LEMD1: variants seen among roughly 807,000 people sequenced by gnomAD.
LEMD1 encodes the protein LEM domain-containing protein 1.
LEMD1 carries 18 observed loss-of-function variants against 17.4 expected under a neutral mutation model. That is an observed-to-expected ratio of 1.04 (90% CI 0.72 to 1.54). The LOEUF (loss-of-function observed/expected upper bound fraction) is 1.54, where lower values mean the gene tolerates loss of function less well. Ranked by LOEUF, LEMD1 falls within the 40% of genes most tolerant of loss-of-function variation. The pLI, the probability that LEMD1 is intolerant of heterozygous loss-of-function variation, is 0.00. For synonymous variants in LEMD1, 88 were observed against 77.8 expected (o/e 1.13, Z -0.69); for missense variants, 195 against 210.4 (o/e 0.93, Z 0.45).
intron 4 of LEMD1, among the ~76,000 whole-genome samples, chr1:205,411,485 G>A (rs1665427044): frequency 6.6e-6 from 1 of 151,182 alleles, no homozygotes; most frequent in Admixed American, 6.6e-5. Flanking sequence ...GAACCCGGGA[G>A]GCGGAGCTTG....
chr1:205,417,203 G>A (rs577252265), intron 3 of LEMD1, among the ~76,000 whole-genome samples: 3 of 152,268 alleles, frequency 2.0e-5, no homozygotes, highest in African/African-American at 7.2e-5. Flanking sequence ...GCATTACAAG[G>A]GTAGGACTGA....
intron 4 of LEMD1, among the ~76,000 whole-genome samples, chr1:205,389,716 G>A (rs1467669224): frequency 6.6e-6 from 1 of 152,108 alleles, no homozygotes; most frequent in African/African-American, 2.4e-5. Flanking sequence ...ATGTAGAATT[G>A]GACACTTTTA....
chr1:205,423,350 A>G (rs911253917), upstream of LEMD1, among the ~76,000 whole-genome samples: 2 of 152,232 alleles, frequency 1.3e-5, no homozygotes, highest in Admixed American at 6.5e-5. Flanking sequence ...GTTTCCATCA[A>G]AGCAAATAAA....
intron 1 of LEMD1, among the ~76,000 whole-genome samples, chr1:205,443,093 G>A (rs933119561): frequency 6.6e-6 from 1 of 152,262 alleles, no homozygotes; most frequent in South Asian, 2.1e-4. Flanking sequence ...ATTGTCACAC[G>A]TGCACTTCTC....
Position 205,391,354 on chromosome 1 carries a change from C to A in LEMD1, c.271-6990G>T, listed in dbSNP as rs552748443. Among the ~76,000 whole-genome samples, 33 of 151,936 alleles carry A rather than the reference C, an allele frequency of 2.2e-4. No individual in the cohort carries two copies. The South Asian group carries it at 6.3e-3, about 29-fold the overall frequency. ...TTAGGGAAGACAAGGTGGTGAGTTCCCAGGGTTTGTTTTTTTTTTAATTTA... is the reference window on the plus strand; with the variant it reads ...TTAGGGAAGACAAGGTGGTGAGTTCACAGGGTTTGTTTTTTTTTTAATTTA... On this transcript the variant is annotated intron_variant, in intron 4 of 5. Coordinates refer to ENST00000367153, the MANE Select transcript of LEMD1 (RefSeq NM_001199050.2).
chr1:205,382,987 T>C (rs1307110637), intron 5 of LEMD1, among the ~76,000 whole-genome samples: 1 of 152,228 alleles, frequency 6.6e-6, no homozygotes, highest in African/African-American at 2.4e-5. Flanking sequence ...CTAATACAAT[T>C]GCCTGTCTTG....
chr1:205,381,895 T>A lies in LEMD1; in HGVS notation c.348-39A>T, dbSNP rs377225656. On this transcript the variant is annotated intron_variant, in intron 5 of 5. Transcript: ENST00000367153. ...AGTGGCTCTTAGGATTGTGGACAGC[T>A]GTGGTGCACTTGAGTAGCCCCTTAA... is the stretch of plus-strand genomic sequence containing the variant. 6 of 1,603,948 alleles carry A rather than the reference T, an allele frequency of 3.7e-6. No individual in the cohort carries two copies. In the African/African-American group the frequency reaches 8.0e-5, roughly 21 times the overall value.
chr1:205,402,718 C>T (rs1664908869), intron 4 of LEMD1, among the ~76,000 whole-genome samples: 1 of 150,456 alleles, frequency 6.6e-6, no homozygotes, highest in African/African-American at 2.4e-5. Context: ...ATTGCCCTGG[C>T]CAGAACTTCC....
In LEMD1 at chr1:205,407,200, C is replaced by T. The variant is rs545439029; in HGVS notation, c.270+9032G>A. ...TAAAAATTAGCCAGGTGTGGCAGCA[C>T]GTGCCTGTAATCCCAGCTACTTGGG... On this transcript the variant is annotated intron_variant, in intron 4 of 5. Coordinates refer to ENST00000367153, the MANE Select transcript of LEMD1 (RefSeq NM_001199050.2). Among the ~76,000 whole-genome samples, 34 of 151,936 alleles carry T rather than the reference C, an allele frequency of 2.2e-4. No homozygotes were observed. In the South Asian group the frequency reaches 6.7e-3, roughly 30 times the overall value.
At chr1:205,402,380 G>C (rs574611103) in intron 4 of LEMD1, among the ~76,000 whole-genome samples, 30 of 152,234 alleles carry the variant, frequency 2.0e-4, no homozygotes, top group African/African-American at 6.7e-4. Flanking sequence ...TTATTTCATT[G>C]AGCAGTGATT....
At chr1:205,421,548 T>C (rs1001849610) in intron 1 of LEMD1, among the ~76,000 whole-genome samples, 1 of 152,230 alleles carries the variant, frequency 6.6e-6, no homozygotes, top group African/African-American at 2.4e-5. Flanking sequence ...GAAAAAGTCA[T>C]GAATTGTTAT....
At chr1:205,420,660 C>A in intron 1 of LEMD1, 86 bp from the exon 2 acceptor site, 1 of 732,586 alleles carries the variant, frequency 1.4e-6, no homozygotes, top group Non-Finnish European at 2.4e-6. Flanking sequence ...TGTTTATAAT[C>A]CTATCTCCCC....
At chr1:205,405,472 A>G (rs9729422) in intron 4 of LEMD1, among the ~76,000 whole-genome samples, 12 of 134,960 alleles carry the variant, frequency 8.9e-5, no homozygotes, top group Admixed American at 1.5e-4. Flanking sequence ...TCACTGATAC[A>G]CTTTCTTCCA....
intron 1 of LEMD1, among the ~76,000 whole-genome samples, chr1:205,444,864 C>T (rs978194233): frequency 6.6e-6 from 1 of 151,914 alleles, no homozygotes. Flanking sequence ...GCACTCTCAG[C>T]AAGGCAACCC....
intron 4 of LEMD1, among the ~76,000 whole-genome samples, chr1:205,396,086 T>A (rs978976840): frequency 6.6e-6 from 1 of 152,198 alleles, no homozygotes; most frequent in African/African-American, 2.4e-5. Flanking sequence ...AAGCTCATTG[T>A]AGCCTTGAAC....
intron 4 of LEMD1, chr1:205,386,001 G>C (rs576305910): frequency 6.6e-6 from 1 of 152,630 alleles, no homozygotes. Flanking sequence ...TCCCAAGGTA[G>C]ACTGGACTGG....
chr1:205,388,907 C>T (rs1435157381), intron 4 of LEMD1, among the ~76,000 whole-genome samples: 2 of 152,052 alleles, frequency 1.3e-5, no homozygotes, highest in Non-Finnish European at 2.9e-5. Flanking sequence ...AATAATATTG[C>T]ATATGACATT....
chr1:205,397,702 G>C (rs1032591512), intron 4 of LEMD1, among the ~76,000 whole-genome samples: 5 of 151,950 alleles, frequency 3.3e-5, no homozygotes, highest in East Asian at 1.9e-4. Context: ...ATAACTCAAG[G>C]GTGCTCATAT....
At chr1:205,419,810 C>A (rs543973959) in intron 2 of LEMD1, among the ~76,000 whole-genome samples, 1 of 152,292 alleles carries the variant, frequency 6.6e-6, no homozygotes, top group African/African-American at 2.4e-5. Flanking sequence ...CTATTCAACT[C>A]TCTCCTTCCT....
Sources: allele counts gnomAD v4.1 joint callset (sites outside exome capture counted in the v4.1 genomes callset), GRCh38; gene constraint gnomAD v4.1.1; transcripts MANE v1.5; gene names NCBI Gene and HGNC (gene_info 2026-07-23, HGNC 2026-07-21).